SUGCT: variants seen among roughly 807,000 people sequenced by gnomAD.
SUGCT encodes succinyl-CoA:glutarate CoA-transferase.
Under a neutral mutation model 55.0 loss-of-function variants are expected in SUGCT, and 41 were observed. The observed-to-expected ratio is 0.74, with a 90% CI of 0.58 to 0.97. The LOEUF (loss-of-function observed/expected upper bound fraction) is 0.97. Ranked by LOEUF, SUGCT falls within the 50% of genes least tolerant of loss-of-function variation. The pLI, the probability that SUGCT is intolerant of heterozygous loss-of-function variation, is 0.00. For missense variants in SUGCT, 568 were observed against 547.8 expected (o/e 1.04, Z -0.37); for synonymous variants, 187 against 200.4 (o/e 0.93, Z 0.56).
intron 13 of SUGCT, among the ~76,000 whole-genome samples, chr7:40,835,966 C>T (rs1300951615): frequency 6.7e-6 from 1 of 148,598 alleles, no homozygotes; most frequent in African/African-American, 2.5e-5. Context: ...GATCATGGCT[C>T]ACTGCAGCCT....
chr7:40,662,146 G>T (rs2151855804), intron 12 of SUGCT, among the ~76,000 whole-genome samples: 1 of 152,352 alleles, frequency 6.6e-6, no homozygotes. Context: ...AACATCCAAA[G>T]AATGTCCTTG....
intron 13 of SUGCT, among the ~76,000 whole-genome samples, chr7:40,776,337 G>C (rs1425299563): frequency 6.6e-6 from 1 of 152,164 alleles, no homozygotes; most frequent in Non-Finnish European, 1.5e-5. Flanking sequence ...TAGACTGAAA[G>C]ACTTTTTGAG....
intron 12 of SUGCT, among the ~76,000 whole-genome samples, chr7:40,648,657 G>A (rs1255291510): frequency 6.6e-6 from 1 of 152,210 alleles, no homozygotes; most frequent in Non-Finnish European, 1.5e-5. Flanking sequence ...GAGCGTTTTT[G>A]TCCTTACAAG....
chr7:40,402,923 A>G (rs1337426368), intron 9 of SUGCT, among the ~76,000 whole-genome samples: 6 of 152,192 alleles, frequency 3.9e-5, no homozygotes, highest in Non-Finnish European at 8.8e-5. Context: ...TATTTAGGTG[A>G]GAACACAAGA....
chr7:40,500,440 A>G (rs1325022469), intron 12 of SUGCT, among the ~76,000 whole-genome samples: 1 of 152,166 alleles, frequency 6.6e-6, no homozygotes, highest in Non-Finnish European at 1.5e-5. Flanking sequence ...AGGATACCAA[A>G]ACAAAACCCC....
At chr7:40,189,665 G>C in intron 5 of SUGCT, 71 bp downstream of exon 5, 1 of 849,160 alleles carries the variant, frequency 1.2e-6, no homozygotes, top group South Asian at 2.6e-5. Context: ...CAGAGCAAAA[G>C]TGTTTTAAAA....
chr7:41,031,917 C>G, the SUGCT span, among the ~76,000 whole-genome samples: 1 of 152,004 alleles, frequency 6.6e-6, no homozygotes, highest in South Asian at 2.1e-4. Context: ...AGAATGCAAG[C>G]TCATGAGTAT....
chr7:40,817,209 G>A (rs553423691), intron 13 of SUGCT, among the ~76,000 whole-genome samples: 2 of 152,316 alleles, frequency 1.3e-5, no homozygotes, highest in South Asian at 4.1e-4. Context: ...CCAGCATTGT[G>A]TTAGATTTTA....
intron 13 of SUGCT, among the ~76,000 whole-genome samples, chr7:40,818,524 G>A (rs1052591545): frequency 6.6e-6 from 1 of 152,216 alleles, no homozygotes; most frequent in Non-Finnish European, 1.5e-5. Context: ...AGTGGCTGTG[G>A]AAGATGCTTC....
intron 3 of SUGCT, among the ~76,000 whole-genome samples, chr7:40,183,351 T>C (rs918272287): frequency 1.3e-5 from 2 of 152,218 alleles, no homozygotes; most frequent in Non-Finnish European, 2.9e-5. Flanking sequence ...TTTGTTTTTA[T>C]TTTTTAGAGA....
At chr7:40,900,458 ACT>A in the SUGCT span, among the ~76,000 whole-genome samples, 1 of 152,110 alleles carries the variant, frequency 6.6e-6, no homozygotes, top group East Asian at 1.9e-4. Context: ...TCATTCAACA[ACT>A]CTTAAACTAT....
intron 9 of SUGCT, among the ~76,000 whole-genome samples, chr7:40,415,080 C>CTATA (rs1786911022): frequency 7.1e-6 from 1 of 140,484 alleles, no homozygotes. Context: ...ATCTATCTAT[C>CTATA]TATCTATCTA....
rs183536240 is a variant in SUGCT, at chr7:40,368,078, C to T, written c.816+51223C>T. 2.0e-3 allele frequency among the ~76,000 whole-genome samples: 305 copies of T among 152,330 alleles called. 2 individuals carry two copies. The highest frequency in any genetic ancestry group is 5.5e-3 in the African/African-American group (228 of 41,590). The stretch of plus-strand genomic sequence containing the variant: ...TCACTAGGAAAAGCCTACTTATCCT[C>T]CAGATTTTGTCTCTATTGTCATCTC... On this transcript the variant is annotated intron_variant, in intron 9 of 13. Coordinates refer to ENST00000335693, the MANE Select transcript of SUGCT (RefSeq NM_001193313.2).
At chr7:40,185,374 G>A (rs1225473193) in intron 3 of SUGCT, among the ~76,000 whole-genome samples, 2 of 151,970 alleles carry the variant, frequency 1.3e-5, no homozygotes, top group African/African-American at 4.8e-5. Context: ...ATAAATTGTT[G>A]TTCCCTATAT....
intron 12 of SUGCT, among the ~76,000 whole-genome samples, chr7:40,662,836 A>T (rs944841688): frequency 6.6e-6 from 1 of 152,212 alleles, no homozygotes; most frequent in Non-Finnish European, 1.5e-5. Context: ...ACTTATAATC[A>T]TGCTCTAATA....
intron 13 of SUGCT, among the ~76,000 whole-genome samples, chr7:40,813,097 T>C (rs1461463058): frequency 6.6e-6 from 1 of 152,168 alleles, no homozygotes; most frequent in Non-Finnish European, 1.5e-5. Flanking sequence ...TTTGATTTTT[T>C]AAAAAAATTA....
At position 40,504,700 on chromosome 7, in the gene SUGCT, C is replaced by T. The variant is rs7786148; in HGVS notation, c.1089+8314C>T. Reference sequence around the variant, plus strand: ...CCGCACACCTTAGCCTCCCAGAGTGCTGGGGTAACAGGTGTGAGCCACCGT... The same window carrying T: ...CCGCACACCTTAGCCTCCCAGAGTGTTGGGGTAACAGGTGTGAGCCACCGT... On this transcript the variant is annotated intron_variant, in intron 12 of 13. Transcript: ENST00000335693. 2.9e-3 allele frequency among the ~76,000 whole-genome samples: 435 copies of T among 152,268 alleles called. 6 individuals carry two copies. The highest frequency in any genetic ancestry group is 0.01 in the African/African-American group (421 of 41,552).
intron 12 of SUGCT, among the ~76,000 whole-genome samples, chr7:40,709,574 G>GGC (rs1262040688): frequency 1.3e-5 from 2 of 152,184 alleles, no homozygotes; most frequent in African/African-American, 4.8e-5. Context: ...TGGCTTCCCA[G>GGC]GCATCTCTCC....
At chr7:40,743,082 T>C (rs1377234929) in intron 12 of SUGCT, among the ~76,000 whole-genome samples, 3 of 152,214 alleles carry the variant, frequency 2.0e-5, no homozygotes, top group Non-Finnish European at 4.4e-5. Flanking sequence ...CCTTTATCGA[T>C]AATGACCATT....
Sources: allele counts gnomAD v4.1 joint callset (sites outside exome capture counted in the v4.1 genomes callset), GRCh38; gene constraint gnomAD v4.1.1; transcripts MANE v1.5; gene names NCBI Gene and HGNC (gene_info 2026-07-23, HGNC 2026-07-21).